Variants in CYP19A1 observed in about 807,000 individuals in gnomAD.
CYP19A1 encodes the protein aromatase.
Under a neutral mutation model 44.4 loss-of-function variants are expected in CYP19A1, and 32 were observed. The observed-to-expected ratio is 0.72, with a 90% CI of 0.54 to 0.97. The LOEUF (loss-of-function observed/expected upper bound fraction) is 0.97, where lower values mean the gene tolerates loss of function less well. CYP19A1 is among the 50% of genes least tolerant of loss of function. The pLI is 0.00. For missense variants in CYP19A1, 598 were observed against 637.8 expected (o/e 0.94, Z 0.67); for synonymous variants, 212 against 215.6 (o/e 0.98, Z 0.14).
intron 1 of CYP19A1, among the ~76,000 whole-genome samples, chr15:51,295,764 G>T (rs1245411863): frequency 1.3e-5 from 2 of 152,180 alleles, no homozygotes; most frequent in Non-Finnish European, 2.9e-5. Flanking sequence ...GTTGAGCTGG[G>T]TCCCTCGGGT....
At chr15:51,288,707 G>T (rs192150665) in intron 1 of CYP19A1, among the ~76,000 whole-genome samples, 1 of 152,242 alleles carries the variant, frequency 6.6e-6, no homozygotes, top group East Asian at 1.9e-4. Flanking sequence ...CTTGTTAAAC[G>T]CAGACTGTTC....
chr15:51,292,130 G>A (rs1485615666), intron 1 of CYP19A1, among the ~76,000 whole-genome samples: 2 of 152,170 alleles, frequency 1.3e-5, no homozygotes, highest in African/African-American at 4.8e-5. Flanking sequence ...CAATAAAGGT[G>A]GATGAAGGTG....
intron 1 of CYP19A1, among the ~76,000 whole-genome samples, chr15:51,299,933 G>A (rs1415122269): frequency 6.6e-6 from 1 of 152,334 alleles, no homozygotes; most frequent in East Asian, 1.9e-4. Flanking sequence ...CAAGAGGAGA[G>A]GTAGGATTTC....
intron 1 of CYP19A1, among the ~76,000 whole-genome samples, chr15:51,244,465 GT>G (rs200591248): frequency 3.1e-4 from 46 of 147,582 alleles, no homozygotes; most frequent in African/African-American, 8.4e-4. Flanking sequence ...TTTTGTGGTT[GT>G]TTTTTTTTTA....
At chr15:51,271,376 AAT>A (rs2140953526) in intron 1 of CYP19A1, among the ~76,000 whole-genome samples, 1 of 152,310 alleles carries the variant, frequency 6.6e-6, no homozygotes, top group East Asian at 1.9e-4. Context: ...TGAAATTTCT[AAT>A]AGTTTAGCAT....
intron 1 of CYP19A1, among the ~76,000 whole-genome samples, chr15:51,333,837 T>A (rs1197470036): frequency 6.6e-6 from 1 of 152,156 alleles, no homozygotes; most frequent in Non-Finnish European, 1.5e-5. Context: ...TCTGGAGAGG[T>A]GAGGCATATC....
intron 1 of CYP19A1, among the ~76,000 whole-genome samples, chr15:51,258,975 G>T (rs1000778526): frequency 1.3e-5 from 2 of 152,208 alleles, no homozygotes; most frequent in Non-Finnish European, 2.9e-5. Context: ...GAAGCTGGAG[G>T]TTCAGTGTTG....
intron 1 of CYP19A1, among the ~76,000 whole-genome samples, chr15:51,259,045 T>A (rs897338096): frequency 2.6e-5 from 4 of 152,010 alleles, no homozygotes; most frequent in African/African-American, 4.8e-5. Flanking sequence ...AGGAAATCTC[T>A]CTCCCAGTCC....
intron 1 of CYP19A1, among the ~76,000 whole-genome samples, chr15:51,304,890 CTTTTT>C (rs545247348): frequency 1.3e-4 from 14 of 104,572 alleles, no homozygotes; most frequent in African/African-American, 6.7e-4. Context: ...GTGTCTCTTC[CTTTTT>C]TTTTTTTTTT....
At chr15:51,321,542 G>T (rs2036528632) in intron 1 of CYP19A1, 1 of 152,214 alleles carries the variant, frequency 6.6e-6, no homozygotes, top group African/African-American at 2.4e-5. Flanking sequence ...ACATCTAGGG[G>T]TAGATTATCT....
At chr15:51,285,032 G>A (rs62020104) in intron 1 of CYP19A1, among the ~76,000 whole-genome samples, 62 of 152,282 alleles carry the variant, frequency 4.1e-4, no homozygotes, top group South Asian at 1.0e-3. Context: ...GGAGATGAAC[G>A]AACCGTGTGG....
intron 1 of CYP19A1, among the ~76,000 whole-genome samples, chr15:51,264,310 C>G (rs1248170888): frequency 6.6e-6 from 1 of 152,058 alleles, no homozygotes; most frequent in Non-Finnish European, 1.5e-5. Flanking sequence ...CATCATGGAA[C>G]TGGGTAGTCA....
intron 4 of CYP19A1, among the ~76,000 whole-genome samples, chr15:51,225,074 C>T (rs567092624): frequency 1.4e-3 from 214 of 152,332 alleles, no homozygotes; most frequent in African/African-American, 4.9e-3. Context: ...TGGCATCACT[C>T]TGGGCACACC....
Position 51,288,056 on chromosome 15 carries a change from T to A in CYP19A1, c.-38-45106A>T, listed in dbSNP as rs568774104. ...GAGTCTCTATTTTCCCCAGTCTAGA[T>A]CTCCTACAGCAATCACAAACCTCTC... On this transcript the variant is annotated intron_variant, in intron 1 of 9. Transcript: ENST00000396402. 2.8e-4 allele frequency among the ~76,000 whole-genome samples: 42 copies of A among 152,264 alleles called. No individual in the cohort carries two copies. In the Middle Eastern group the frequency reaches 0.01, roughly 37 times the overall value.
rs548054722 is a variant in CYP19A1 at position 51,262,918 on chromosome 15, G to T, written c.-38-19968C>A. 2.0e-3 allele frequency among the ~76,000 whole-genome samples: 302 copies of T among 152,236 alleles called. 1 individual carries two copies. The highest frequency in any genetic ancestry group is 7.0e-3 in the African/African-American group (289 of 41,520). On this transcript the variant is annotated intron_variant, in intron 1 of 9. Transcript: ENST00000396402. The stretch of plus-strand genomic sequence containing the variant: ...CTCCTGGAGCCTATAGTCTAGGAGG[G>T]GAGACAAGCAAAATATAGATAATCA...
At chr15:51,228,485 A>G (rs2032774198) in intron 3 of CYP19A1, among the ~76,000 whole-genome samples, 2 of 152,216 alleles carry the variant, frequency 1.3e-5, no homozygotes, top group Non-Finnish European at 2.9e-5. Flanking sequence ...GTGGAGTATC[A>G]GTCAGGGCTT....
intron 1 of CYP19A1, among the ~76,000 whole-genome samples, chr15:51,287,651 C>T (rs1185328432): frequency 6.6e-6 from 1 of 152,196 alleles, no homozygotes; most frequent in African/African-American, 2.4e-5. Context: ...CTCAAATGCC[C>T]TCACCTTCCC....
At chr15:51,292,392 G>T (rs2035867785) in intron 1 of CYP19A1, among the ~76,000 whole-genome samples, 1 of 152,178 alleles carries the variant, frequency 6.6e-6, no homozygotes, top group Non-Finnish European at 1.5e-5. Context: ...TAGGCTCCTG[G>T]ACATCATCCA....
chr15:51,279,366 T>A (rs146609653), intron 1 of CYP19A1, among the ~76,000 whole-genome samples: 12 of 152,280 alleles, frequency 7.9e-5, no homozygotes, highest in African/African-American at 2.4e-4. Flanking sequence ...AGCAGGAAGA[T>A]GAGAAGGTTC....
Sources: allele counts gnomAD v4.1 joint callset (sites outside exome capture counted in the v4.1 genomes callset), GRCh38; gene constraint gnomAD v4.1.1; transcripts MANE v1.5; gene names NCBI Gene and HGNC (gene_info 2026-07-23, HGNC 2026-07-21).